Variants in KCNB2 observed in about 807,000 individuals in gnomAD.
The protein encoded by KCNB2 is potassium voltage-gated channel subfamily B member 2, also known as delayed rectifier potassium channel protein.
KCNB2 carries 15 observed loss-of-function variants against 61.5 expected under a neutral mutation model. The ratio of observed to expected loss-of-function variants is 0.24; its 90% CI spans 0.16 to 0.38. The LOEUF (loss-of-function observed/expected upper bound fraction) is 0.38, where lower values mean the gene tolerates loss of function less well. Among genes scored for constraint, KCNB2 ranks in the 10% least tolerant of loss-of-function variants. The pLI is 1.00. For missense variants in KCNB2, 828 were observed against 1,125.2 expected (o/e 0.74, Z 3.78); for synonymous variants, 457 against 446.0 (o/e 1.02, Z -0.31).
intron 1 of KCNB2, among the ~76,000 whole-genome samples, chr8:72,551,289 A>G (rs1005728717): frequency 3.3e-5 from 5 of 152,096 alleles, no homozygotes. Flanking sequence ...AAACCCTTAA[A>G]TGATTTCCCA....
chr8:72,778,682 C>T (rs1197668416), intron 2 of KCNB2, among the ~76,000 whole-genome samples: 2 of 118,268 alleles, frequency 1.7e-5, no homozygotes, highest in African/African-American at 6.4e-5. Flanking sequence ...CTGCAGTAAG[C>T]TGTGATCACA....
At chr8:72,696,168 A>G (rs2218179) in intron 2 of KCNB2, among the ~76,000 whole-genome samples, 21,694 of 152,040 alleles carry the variant, frequency 0.14, 1,774 homozygotes, top group African/African-American at 0.21. Context: ...ACGTCCTTCA[A>G]TAAATATTTA....
chr8:72,733,945 C>T (rs1460849310), intron 2 of KCNB2, among the ~76,000 whole-genome samples: 1 of 152,072 alleles, frequency 6.6e-6, no homozygotes, highest in Non-Finnish European at 1.5e-5. Context: ...GGTGTGTGAT[C>T]GGGCGTCTAC....
At chr8:72,858,050 GT>G (rs1029935521) in intron 2 of KCNB2, among the ~76,000 whole-genome samples, 1 of 152,146 alleles carries the variant, frequency 6.6e-6, no homozygotes, top group African/African-American at 2.4e-5. Flanking sequence ...GACATTAAAA[GT>G]TATATTGGAA....
intron 2 of KCNB2, among the ~76,000 whole-genome samples, chr8:72,785,996 T>C (rs1808840264): frequency 6.6e-6 from 1 of 150,958 alleles, no homozygotes; most frequent in South Asian, 2.1e-4. Flanking sequence ...GGTCAATAGT[T>C]CTCTGCAAAA....
At chr8:72,851,845 A>AAAAAAAAAAAAC (rs1563404693) in intron 2 of KCNB2, among the ~76,000 whole-genome samples, 1 of 147,912 alleles carries the variant, frequency 6.8e-6, no homozygotes, top group African/African-American at 2.5e-5. Flanking sequence ...AAAAAAAAAA[A>AAAAAAAAAAAAC]AAACACGTAC....
chr8:72,831,377 A>T (rs551835749), intron 2 of KCNB2, among the ~76,000 whole-genome samples: 1 of 152,374 alleles, frequency 6.6e-6, no homozygotes, highest in South Asian at 2.1e-4. Flanking sequence ...GATCAAAGCA[A>T]GTTTTAAAAA....
At chr8:72,882,646 G>A (rs1488077380) in intron 2 of KCNB2, among the ~76,000 whole-genome samples, 3 of 151,590 alleles carry the variant, frequency 2.0e-5, no homozygotes, top group Non-Finnish European at 2.9e-5. Context: ...CCAGCAGCTG[G>A]TGCTTTCTCT....
In KCNB2 at chr8:72,567,833, C is replaced by G. The variant is rs768079183; in HGVS notation, c.99C>G (p.Cys33Trp). 5 of 1,614,034 alleles carry G rather than the reference C, an allele frequency of 3.1e-6. No individual in the cohort carries two copies. The East Asian group carries it at 1.1e-4, about 36-fold the overall frequency. ...TGGACATTATCCGGAGCAAAACATG[C>G]TCCAGGAGAGTTAAGATCAATGTGG... ...EPVDIIRSKTCSRRVKINVGG... is the reference protein window; with the variant it reads ...EPVDIIRSKTWSRRVKINVGG... Residue 33 changes from cysteine to tryptophan, a missense_variant, in exon 2 of 3, where the codon TGC becomes TGG. Coordinates refer to ENST00000523207, the MANE Select transcript of KCNB2 (RefSeq NM_004770.3).
intron 2 of KCNB2, among the ~76,000 whole-genome samples, chr8:72,869,357 A>C (rs1805580949): frequency 6.6e-6 from 1 of 152,196 alleles, no homozygotes. Flanking sequence ...ATTTACTTTC[A>C]TGGGCCTCAG....
In KCNB2 at chr8:72,657,579, G is replaced by A. The variant is rs538544688; in HGVS notation, c.579+89266G>A. On this transcript the variant is annotated intron_variant, in intron 2 of 2. Coordinates refer to ENST00000523207, the MANE Select transcript of KCNB2 (RefSeq NM_004770.3). ...AACATTTATTCATGAAATTCACTTC[G>A]AAGGTACATTTATAAAACAGTCTCC... Among the ~76,000 whole-genome samples the A allele has an allele frequency of 3.3e-5, 5 of 152,222 alleles. No homozygotes were observed. The East Asian group carries it at 5.8e-4, about 18-fold the overall frequency.
intron 2 of KCNB2, among the ~76,000 whole-genome samples, chr8:72,614,812 A>G (rs956284116): frequency 1.3e-5 from 2 of 152,200 alleles, no homozygotes; most frequent in Non-Finnish European, 2.9e-5. Context: ...AAAAGTTTAG[A>G]GGAGACATGA....
At chr8:72,664,242 C>T (rs1286415508) in intron 2 of KCNB2, among the ~76,000 whole-genome samples, 2 of 152,262 alleles carry the variant, frequency 1.3e-5, no homozygotes, top group Non-Finnish European at 1.5e-5. Context: ...AGGTGAGGTC[C>T]GCACTGGTAC....
intron 2 of KCNB2, among the ~76,000 whole-genome samples, chr8:72,709,684 C>T (rs994308728): frequency 3.3e-5 from 5 of 152,024 alleles, no homozygotes; most frequent in Non-Finnish European, 5.9e-5. Context: ...GGATCCACCC[C>T]GCTGATCCAG....
At chr8:72,555,601 GA>G (rs981391326) in intron 1 of KCNB2, among the ~76,000 whole-genome samples, 28 of 137,518 alleles carry the variant, frequency 2.0e-4, no homozygotes, top group Non-Finnish European at 2.8e-4. Flanking sequence ...TTTCCTTGAA[GA>G]AAAAAAAAAT....
chr8:72,555,520 T>G (rs1806410674), intron 1 of KCNB2, among the ~76,000 whole-genome samples: 1 of 151,684 alleles, frequency 6.6e-6, no homozygotes, highest in Non-Finnish European at 1.5e-5. Flanking sequence ...TAATCCTGAC[T>G]ACATGCAGCT....
intron 1 of KCNB2, among the ~76,000 whole-genome samples, chr8:72,561,714 T>TAG (rs1563523352): frequency 3.8e-5 from 1 of 26,466 alleles, no homozygotes; most frequent in Non-Finnish European, 6.4e-5. Flanking sequence ...TATATATATA[T>TAG]ATATATATAT....
At chr8:72,780,233 A>G (rs894915640) in intron 2 of KCNB2, among the ~76,000 whole-genome samples, 1 of 152,182 alleles carries the variant, frequency 6.6e-6, no homozygotes, top group Non-Finnish European at 1.5e-5. Flanking sequence ...TCTGAGGCCA[A>G]TTTAACAAAT....
intron 2 of KCNB2, among the ~76,000 whole-genome samples, chr8:72,796,886 C>CTT (rs1809039768): frequency 1.3e-5 from 2 of 152,092 alleles, no homozygotes; most frequent in African/African-American, 2.4e-5. Flanking sequence ...ATTTTAGTTC[C>CTT]ATTTTGCAGT....
Sources: allele counts gnomAD v4.1 joint callset (sites outside exome capture counted in the v4.1 genomes callset), GRCh38; gene constraint gnomAD v4.1.1; transcripts MANE v1.5; gene names NCBI Gene and HGNC (gene_info 2026-07-23, HGNC 2026-07-21).